Variants in OTOF observed in about 807,000 individuals in gnomAD.
OTOF encodes fer-1-like family member 2.
OTOF carries 218 observed loss-of-function variants against 236.8 expected under a neutral mutation model. The observed-to-expected ratio is 0.92, with a 90% confidence interval of 0.82 to 1.03. OTOF has a LOEUF of 1.03. Among genes scored for constraint, OTOF ranks in the 50% least tolerant of loss-of-function variants. The pLI is 0.00. For synonymous variants in OTOF, 1,041 were observed against 1,072.5 expected (o/e 0.97, Z 0.57); for missense variants, 2,590 against 2,694.4 (o/e 0.96, Z 0.86).
intron 2 of OTOF, among the ~76,000 whole-genome samples, chr2:26,530,996 T>C (rs924456926): frequency 1.3e-5 from 2 of 152,176 alleles, no homozygotes; most frequent in African/African-American, 4.8e-5. Flanking sequence ...AAGGAGACTT[T>C]TGGGGTTGAA....
At chr2:26,479,831 T>C (rs1323432187) in intron 16 of OTOF, among the ~76,000 whole-genome samples, 178 bp from the exon 17 acceptor site, 1 of 152,088 alleles carries the variant, frequency 6.6e-6, no homozygotes, top group East Asian at 1.9e-4. Flanking sequence ...CCGCTGAGAG[T>C]CAGGGAGTCC....
At chr2:26,545,683 T>C (rs1183261980) in intron 1 of OTOF, among the ~76,000 whole-genome samples, 1 of 152,210 alleles carries the variant, frequency 6.6e-6, no homozygotes, top group East Asian at 1.9e-4. Flanking sequence ...AAGTTTTTAA[T>C]GTTTAATTCT....
chr2:26,468,574 G>C (rs1365095534), intron 32 of OTOF, 100 bp from the exon 33 acceptor site: 1 of 874,030 alleles, frequency 1.1e-6, no homozygotes. Flanking sequence ...TGCACTAGAA[G>C]TAGAAAATCT....
chr2:26,540,402 G>A (rs976472888), intron 1 of OTOF, among the ~76,000 whole-genome samples: 3 of 152,238 alleles, frequency 2.0e-5, no homozygotes, highest in Admixed American at 2.0e-4. Context: ...GGGAGCCCGG[G>A]CTAGAGCGGC....
chr2:26,504,607 TTGC>T (rs1439922876), intron 5 of OTOF, among the ~76,000 whole-genome samples: 2 of 152,108 alleles, frequency 1.3e-5, no homozygotes, highest in African/African-American at 4.8e-5. Context: ...TTCCTCTGGC[TTGC>T]TGCGACCTTG....
rs367550443 is a variant in OTOF at position 26,460,629 on chromosome 2, G to A, written c.5813+18C>T. 2.5e-6 allele frequency: 4 copies of A among 1,601,450 alleles called. No homozygotes were observed. The highest frequency in any genetic ancestry group is 2.6e-6 in the Non-Finnish European group (3 of 1,168,840). ...CAAGAGCCAGAGTGGGGAGGGGCTG[G>A]GCCGGCAGGGCACTCACTTGGGTTT... is the stretch of plus-strand genomic sequence containing the variant. On this transcript the variant is annotated intron_variant, in intron 45 of 46. Transcript: ENST00000272371. The surrounding 1 kb of genome is among the most constrained non-coding windows in gnomAD (Gnocchi z 5.3).
chr2:26,475,265 G>C, intron 25 of OTOF, 94 bp downstream of exon 25: 1 of 1,422,646 alleles, frequency 7.0e-7, no homozygotes, highest in Non-Finnish European at 9.9e-7. Flanking sequence ...GTGGGTGGCG[G>C]AGGTGAGGGC....
At position 26,482,368 on chromosome 2, in the gene OTOF, C is replaced by T. The variant is rs373247484; in HGVS notation, c.1579+38G>A. On this transcript the variant is annotated intron_variant, in intron 14 of 46. Transcript: ENST00000272371. The stretch of plus-strand genomic sequence containing the variant: ...CATATTCCTTCCCTTCAGGCCACTC[C>T]CTCTGCCCCCCAGCACACCGGGTCT... 2.2e-5 allele frequency: 35 copies of T among 1,595,716 alleles called. No homozygotes were observed. The African/African-American group carries it at 2.5e-4, about 12-fold the overall frequency.
At chr2:26,464,485 A>G (rs1445631859) in intron 39 of OTOF, among the ~76,000 whole-genome samples, 2 of 152,100 alleles carry the variant, frequency 1.3e-5, no homozygotes, top group Non-Finnish European at 2.9e-5. Flanking sequence ...CAGAGAAGTA[A>G]GGAGAGTTTA....
Position 26,481,017 on chromosome 2 carries a change from A to C in OTOF, c.1580-8T>G, listed in dbSNP as rs1433792463. 6.2e-7 allele frequency: 1 copy of C among 1,608,748 alleles called. No homozygotes were observed. Among genetic ancestry groups the C allele is most frequent in the Admixed American group, 1.7e-5 (1 of 59,958 alleles). On this transcript the variant is annotated splice_region_variant and splice_polypyrimidine_tract_variant and intron_variant, in intron 14 of 46. Transcript: ENST00000272371. ...CCAGTGTGGGCAGGAAGCCTGTGGC[A>C]GTGGGAACAAAAATGAGGGGGCAGC... is the stretch of plus-strand genomic sequence containing the variant.
chr2:26,558,379 G>C lies in OTOF; in HGVS notation c.79+114C>G, dbSNP rs4665880. 332,419 of 911,952 alleles carry C rather than the reference G, an allele frequency of 0.36. 62,977 individuals are homozygous for C. Among genetic ancestry groups the C allele is most frequent in the Admixed American group, 0.49 (28,272 of 57,264 alleles). 56.5% of individuals were successfully genotyped at this position (911,952 alleles called of 1,614,324 possible). On this transcript the variant is annotated intron_variant, in intron 1 of 46. Coordinates refer to ENST00000272371, the MANE Select transcript of OTOF (RefSeq NM_194248.3). Reference sequence around the variant, plus strand: ...GAAAAGGCTCGTCGCCCCAGCCCCTGCTAGAACTTTTCCCACCCATCCTCC... The same window carrying C: ...GAAAAGGCTCGTCGCCCCAGCCCCTCCTAGAACTTTTCCCACCCATCCTCC...
At chr2:26,549,051 A>G (rs752899825) in intron 1 of OTOF, among the ~76,000 whole-genome samples, 4 of 152,206 alleles carry the variant, frequency 2.6e-5, no homozygotes, top group Non-Finnish European at 5.9e-5. Context: ...TTCTGCTGTA[A>G]GTACTTAAAA....
rs375156335 is a variant in OTOF at position 26,460,633 on chromosome 2, G to A, written c.5813+14C>T. 7.6e-5 allele frequency: 122 copies of A among 1,606,028 alleles called. No individual in the cohort carries two copies. The highest frequency in any genetic ancestry group is 9.8e-5 in the Non-Finnish European group (115 of 1,172,982). On this transcript the variant is annotated intron_variant, in intron 45 of 46. Coordinates refer to ENST00000272371, the MANE Select transcript of OTOF (RefSeq NM_194248.3). This position sits in a 1 kb window ranked among gnomAD's most constrained non-coding sequence, Gnocchi z 5.3. ...AGCCAGAGTGGGGAGGGGCTGGGCC[G>A]GCAGGGCACTCACTTGGGTTTCTCT...
chr2:26,537,993 A>G (rs1021306850), intron 1 of OTOF, among the ~76,000 whole-genome samples: 4 of 152,116 alleles, frequency 2.6e-5, no homozygotes, highest in Non-Finnish European at 4.4e-5. Flanking sequence ...GTCAAAGGCC[A>G]TGAGTTCCAT....
intron 37 of OTOF, 39 bp downstream of exon 37, chr2:26,465,910 A>G (rs954279024): frequency 6.2e-7 from 1 of 1,614,208 alleles, no homozygotes; most frequent in African/African-American, 1.3e-5. Context: ...GGGTTGGAGA[A>G]GTAGGGGTGT....
rs755191379 is a variant in OTOF, at chr2:26,480,942, C to T, written c.1647G>A (p.Leu549=). 4 of 1,612,920 alleles carry T rather than the reference C, an allele frequency of 2.5e-6. No homozygotes were observed. The highest frequency in any genetic ancestry group is 2.2e-5 in the East Asian group (1 of 44,900). Residue 549 remains leucine, a synonymous_variant, in exon 15 of 47, where the codon CTG becomes CTA. Transcript: ENST00000272371. ...MYGSTRNYTL[L]DEHQDLNEGL... is the part of the protein sequence containing the mutation. Reference sequence around the variant, plus strand: ...CCTCGTTCAGGTCCTGATGCTCATCCAGCAGCGTGTAGTTACGTGTGGAGC... The same window carrying T: ...CCTCGTTCAGGTCCTGATGCTCATCTAGCAGCGTGTAGTTACGTGTGGAGC...
intron 1 of OTOF, among the ~76,000 whole-genome samples, chr2:26,543,988 T>C (rs1162848000): frequency 6.6e-6 from 1 of 152,270 alleles, no homozygotes; most frequent in Non-Finnish European, 1.5e-5. Flanking sequence ...CCCAAAATGC[T>C]AGGATTATAG....
chr2:26,482,364 A>T (rs758065953), intron 14 of OTOF, 42 bp downstream of exon 14: 1 of 1,585,358 alleles, frequency 6.3e-7, no homozygotes, highest in Admixed American at 1.7e-5. Context: ...CCTTCAGGCC[A>T]CTCCCTCTGC....
chr2:26,481,033 AG>A (rs771380405), intron 14 of OTOF, 24 bp from the exon 15 acceptor site: 2 of 1,571,134 alleles, frequency 1.3e-6, no homozygotes, highest in Non-Finnish European at 1.8e-6. Flanking sequence ...AACAAAAATG[AG>A]GGGGCAGCGT....
Sources: allele counts gnomAD v4.1 joint callset (sites outside exome capture counted in the v4.1 genomes callset), GRCh38; gene constraint gnomAD v4.1.1; non-coding constraint Gnocchi (gnomAD v3.1); transcripts MANE v1.5; gene names NCBI Gene and HGNC (gene_info 2026-07-23, HGNC 2026-07-21).